Variants in DOCK1 observed in about 807,000 individuals in gnomAD.
The protein encoded by DOCK1 is dedicator of cytokinesis 1.
A neutral mutation model predicts 262.7 loss-of-function variants in DOCK1; 138 were observed. The ratio of observed to expected loss-of-function variants is 0.53; its 90% confidence interval spans 0.46 to 0.61. The LOEUF (loss-of-function observed/expected upper bound fraction) is 0.61, where lower values mean the gene tolerates loss of function less well. Ranked by LOEUF, DOCK1 falls within the 20% of genes least tolerant of loss-of-function variation. The probability of loss-of-function intolerance (pLI) is 0.00; values close to 1 mark genes in which losing one functional copy is unlikely to be tolerated. For missense variants in DOCK1, 1,908 were observed against 2,370.7 expected (o/e 0.80, Z 4.05); for synonymous variants, 866 against 867.4 (o/e 1.00, Z 0.03).
At chr10:127,281,743 C>G (rs992136884) in intron 29 of DOCK1, among the ~76,000 whole-genome samples, 3 of 152,154 alleles carry the variant, frequency 2.0e-5, no homozygotes, top group African/African-American at 4.8e-5. Flanking sequence ...CATCAAGAGC[C>G]AGGTTCCTTT....
chr10:127,407,867 C>T (rs1047443511), intron 40 of DOCK1, among the ~76,000 whole-genome samples: 26 of 152,086 alleles, frequency 1.7e-4, no homozygotes, highest in African/African-American at 5.8e-4. Context: ...TCTTGTACCC[C>T]TGTGGCTTCT....
At chr10:127,275,927 C>T (rs377587434) in intron 29 of DOCK1, among the ~76,000 whole-genome samples, 1 of 152,226 alleles carries the variant, frequency 6.6e-6, no homozygotes, top group African/African-American at 2.4e-5. Context: ...CCAATTTCCC[C>T]GCTAATGCCC....
At position 126,948,962 on chromosome 10, in the gene DOCK1, C is replaced by T. The variant is rs1015982278; in HGVS notation, c.47-21740C>T. ...GCCCCGCAAGCTGGGCTTTCAGAAT[C>T]CCTTTCAGTGGCCCGGGCCCACCCC... On this transcript the variant is annotated intron_variant, in intron 1 of 51. Coordinates refer to ENST00000623213, the MANE Select transcript of DOCK1 (RefSeq NM_001290223.2). 3.3e-5 allele frequency among the ~76,000 whole-genome samples: 5 copies of T among 152,234 alleles called. No homozygotes were observed. The East Asian group carries it at 9.7e-4, about 29-fold the overall frequency.
intron 27 of DOCK1, among the ~76,000 whole-genome samples, chr10:127,232,237 A>C (rs1450705730): frequency 1.3e-5 from 2 of 152,172 alleles, no homozygotes; most frequent in African/African-American, 4.8e-5. Flanking sequence ...AGTTATCTGC[A>C]AGTCAACTCA....
intron 29 of DOCK1, among the ~76,000 whole-genome samples, chr10:127,331,074 A>T (rs1222439000): frequency 6.6e-6 from 1 of 152,084 alleles, no homozygotes; most frequent in South Asian, 2.1e-4. Flanking sequence ...AGGGAGGGGG[A>T]GTCCACTTAT....
At chr10:126,992,689 T>C (rs1047935185) in intron 6 of DOCK1, among the ~76,000 whole-genome samples, 2 of 148,150 alleles carry the variant, frequency 1.3e-5, no homozygotes, top group Non-Finnish European at 3.0e-5. Context: ...TCTAGAAAAA[T>C]GTACATACAC....
chr10:127,345,260 A>G (rs1263852056), intron 31 of DOCK1, among the ~76,000 whole-genome samples: 1 of 152,222 alleles, frequency 6.6e-6, no homozygotes, highest in Non-Finnish European at 1.5e-5. Context: ...TGACTTTCTA[A>G]GCATTTCATG....
At chr10:127,046,407 G>A (rs1293205826) in intron 21 of DOCK1, among the ~76,000 whole-genome samples, 2 of 152,172 alleles carry the variant, frequency 1.3e-5, no homozygotes, top group Non-Finnish European at 2.9e-5. Flanking sequence ...CCCTACTAGA[G>A]CTCTGGTGCC....
At chr10:127,136,152 T>A (rs559670995) in intron 27 of DOCK1, 1 of 152,362 alleles carries the variant, frequency 6.6e-6, no homozygotes, top group East Asian at 1.9e-4. Context: ...CAGTGTTGTT[T>A]GGCCCCCGAA....
rs568150908 is a variant in DOCK1 at position 127,232,679 on chromosome 10, C to T, written c.2848-15329C>T. Among the ~76,000 whole-genome samples, 28 of 152,276 alleles carry T rather than the reference C, an allele frequency of 1.8e-4. No homozygotes were observed. In the East Asian group the frequency reaches 5.2e-3, roughly 28 times the overall value. On this transcript the variant is annotated intron_variant, in intron 27 of 51. Coordinates refer to ENST00000623213, the MANE Select transcript of DOCK1 (RefSeq NM_001290223.2). ...TTCTGCTTTTTGCCCCTTCATGACA[C>T]CAACACAGTGGGTTGAAATTCAAAA...
At chr10:126,929,368 T>C (rs2034014135) in intron 1 of DOCK1, among the ~76,000 whole-genome samples, 1 of 152,118 alleles carries the variant, frequency 6.6e-6, no homozygotes, top group African/African-American at 2.4e-5. Flanking sequence ...CAGGAGATAT[T>C]ATCATTTATT....
intron 10 of DOCK1, among the ~76,000 whole-genome samples, chr10:127,003,521 G>A (rs763048236): frequency 6.6e-6 from 1 of 152,160 alleles, no homozygotes; most frequent in Non-Finnish European, 1.5e-5. Flanking sequence ...TTGCTGGTTT[G>A]CCTGGCTCCA....
At chr10:127,332,833 G>T (rs527293760) in intron 29 of DOCK1, among the ~76,000 whole-genome samples, 4 of 152,334 alleles carry the variant, frequency 2.6e-5, no homozygotes, top group African/African-American at 9.6e-5. Flanking sequence ...CAAGTGTGGG[G>T]AGGTGCCAGG....
chr10:127,447,601 C>A, intron 51 of DOCK1, 56 bp downstream of exon 51: 1 of 1,590,816 alleles, frequency 6.3e-7, no homozygotes, highest in Non-Finnish European at 8.6e-7. Flanking sequence ...CAAAGTAGGA[C>A]GAGTCCCTCA....
At chr10:127,384,001 T>C (rs11599064) in intron 37 of DOCK1, among the ~76,000 whole-genome samples, 16,055 of 152,212 alleles carry the variant, frequency 0.11, 1,170 homozygotes, top group African/African-American at 0.21. Flanking sequence ...CGCAGTGTTG[T>C]TCTGTGTCAT....
At chr10:127,189,633 G>A (rs1210294263) in intron 27 of DOCK1, among the ~76,000 whole-genome samples, 1 of 152,212 alleles carries the variant, frequency 6.6e-6, no homozygotes, top group Non-Finnish European at 1.5e-5. Context: ...AACTAAAACA[G>A]TAAGTAATTG....
intron 29 of DOCK1, among the ~76,000 whole-genome samples, chr10:127,299,223 C>T (rs1465491816): frequency 1.3e-5 from 2 of 152,144 alleles, no homozygotes; most frequent in Admixed American, 1.3e-4. Context: ...CTCAGCCTCC[C>T]GAGTAGCTGG....
chr10:127,286,965 T>G (rs1180395959), intron 29 of DOCK1, among the ~76,000 whole-genome samples: 1 of 151,082 alleles, frequency 6.6e-6, no homozygotes, highest in Non-Finnish European at 1.5e-5. Context: ...AAGTTCCACC[T>G]CCTGGGTTCA....
chr10:127,276,063 A>G (rs949913960), intron 29 of DOCK1, among the ~76,000 whole-genome samples: 1 of 152,186 alleles, frequency 6.6e-6, no homozygotes. Context: ...ACTCATGCTA[A>G]ATCATCCTCC....
Sources: gnomAD v4.1 joint callset for allele counts (sites outside exome capture counted in the v4.1 genomes callset) on GRCh38, gnomAD v4.1.1 for gene constraint, MANE v1.5 for transcripts, NCBI Gene and HGNC (gene_info 2026-07-23, HGNC 2026-07-21) for gene names.